DDI2: variants seen among roughly 807,000 people sequenced by gnomAD.
The protein encoded by DDI2 is DDI proteasomal shuttling factor 2.
A neutral mutation model predicts 48.1 loss-of-function variants in DDI2; 5 were observed. The ratio of observed to expected loss-of-function variants is 0.10; its 90% CI spans 0.05 to 0.22. DDI2 has a LOEUF of 0.22. Among genes scored for constraint, DDI2 ranks in the 10% least tolerant of loss-of-function variants. DDI2 has a pLI of 1.00. For synonymous variants in DDI2, 205 were observed against 183.6 expected, an observed-to-expected ratio of 1.12 and a Z score of -0.94; for missense variants, 285 against 506.2, an observed-to-expected ratio of 0.56 and a Z score of 4.19.
chr1:15,632,912 C>CTTTTTTTT (rs1222613153), intron 3 of DDI2, among the ~76,000 whole-genome samples: 1 of 99,916 alleles, frequency 1.0e-5, no homozygotes, highest in African/African-American at 4.2e-5. Flanking sequence ...TTTGCAAATA[C>CTTTTTTTT]TTTTTTTTTT....
chr1:15,644,835 C>T (rs1362253407), intron 6 of DDI2, among the ~76,000 whole-genome samples: 5 of 151,982 alleles, frequency 3.3e-5, no homozygotes, highest in East Asian at 3.9e-4. Context: ...CCTCGTGATC[C>T]GCCCGCCTCG....
rs552608777 is a variant in DDI2, at chr1:15,637,631, G to A, written c.633-676G>A. 5.9e-5 allele frequency among the ~76,000 whole-genome samples: 9 copies of A among 152,354 alleles called. No individual in the cohort carries two copies. In the South Asian group the frequency reaches 1.7e-3, roughly 28 times the overall value. On this transcript the variant is annotated intron_variant, in intron 4 of 9. Transcript: ENST00000480945. ...GATCCACCCGCCTTGGCCTCCCAAA[G>A]TGTTGGGATTACAGGCGTGAGCCAC...
At chr1:15,642,106 A>T (rs984673707) in intron 5 of DDI2, among the ~76,000 whole-genome samples, 3 of 152,214 alleles carry the variant, frequency 2.0e-5, no homozygotes, top group Non-Finnish European at 2.9e-5. Flanking sequence ...AAATAATCCC[A>T]TTGGCAAACA....
intron 1 of DDI2, 92 bp from the exon 2 acceptor site, chr1:15,626,577 T>G (rs1570967662): frequency 6.5e-7 from 1 of 1,546,548 alleles, no homozygotes; most frequent in Non-Finnish European, 8.8e-7. Context: ...GAAAGGAGGG[T>G]GACATCTGAT....
intron 6 of DDI2, 30 bp downstream of exon 6, chr1:15,643,680 T>A: frequency 6.2e-7 from 1 of 1,610,928 alleles, no homozygotes; most frequent in Non-Finnish European, 8.5e-7. Context: ...GCTTGCTGTC[T>A]TTCTGTAGGC....
intron 1 of DDI2, among the ~76,000 whole-genome samples, chr1:15,619,776 C>T (rs1326899626): frequency 6.6e-6 from 1 of 152,020 alleles, no homozygotes; most frequent in Non-Finnish European, 1.5e-5. Flanking sequence ...ATTGTTTTTT[C>T]CTCTAGCTGT....
chr1:15,634,505 AATCATGCTTT>A (rs1639896768), intron 4 of DDI2, among the ~76,000 whole-genome samples: 2 of 150,106 alleles, frequency 1.3e-5, no homozygotes, highest in African/African-American at 4.9e-5. Context: ...TTAGAAATTA[AATCATGCTTT>A]TTTAAACTTC....
chr1:15,648,558 T>TC (rs1196688185), intron 6 of DDI2, among the ~76,000 whole-genome samples: 5 of 152,164 alleles, frequency 3.3e-5, no homozygotes, highest in Non-Finnish European at 5.9e-5. Context: ...AACATTGCCT[T>TC]CTAGATATCA....
Position 15,663,400 on chromosome 1 carries a change from T to G in DDI2, c.*3610T>G, listed in dbSNP as rs1295145594. The G allele has an allele frequency of 6.6e-6, 1 of 152,212 alleles. No homozygotes were observed. The allele number at this position is 152,212 out of a possible 1,614,324, so 9.4% of individuals were successfully genotyped here. ...CTTTCCTTTTGCTATGATGTTTGTATGTATGTTATAAGACTTTAGTGATGG... is the reference window on the plus strand; with the variant it reads ...CTTTCCTTTTGCTATGATGTTTGTAGGTATGTTATAAGACTTTAGTGATGG... On this transcript the variant is annotated 3_prime_UTR_variant, in exon 10 of 10. Transcript: ENST00000480945.
At chr1:15,645,350 T>C (rs1277671059) in intron 6 of DDI2, among the ~76,000 whole-genome samples, 1 of 152,174 alleles carries the variant, frequency 6.6e-6, no homozygotes, top group Admixed American at 6.5e-5. Context: ...CTGGGGACTT[T>C]CTCTGAATTA....
chr1:15,633,298 A>C, intron 3 of DDI2, 141 bp from the exon 4 acceptor site: 1 of 897,666 alleles, frequency 1.1e-6, no homozygotes, highest in Non-Finnish European at 1.7e-6. Flanking sequence ...AAGTAAATGT[A>C]ATTGCTCATT....
Position 15,664,734 on chromosome 1 carries a change from G to C in DDI2, c.*4944G>C, listed in dbSNP as rs756086645. ...GCGGTCAGCACTTAACTACAAGGGCGGTCTCTGTTTCTTCACCAGAGAGAG... is the reference window on the plus strand; with the variant it reads ...GCGGTCAGCACTTAACTACAAGGGCCGTCTCTGTTTCTTCACCAGAGAGAG... On this transcript the variant is annotated 3_prime_UTR_variant, in exon 10 of 10. Coordinates refer to ENST00000480945, the MANE Select transcript of DDI2 (RefSeq NM_032341.5). 6.6e-6 allele frequency: 1 copy of C among 152,140 alleles called. No individual in the cohort carries two copies. The highest frequency in any genetic ancestry group is 2.4e-5 in the African/African-American group (1 of 41,424). 9.4% of individuals were successfully genotyped at this position (152,140 alleles called of 1,614,324 possible).
intron 2 of DDI2, among the ~76,000 whole-genome samples, chr1:15,628,289 A>T (rs977875210): frequency 6.6e-5 from 10 of 152,188 alleles, no homozygotes; most frequent in African/African-American, 2.4e-4. Context: ...CACAGAGATC[A>T]TCCTCTTCAC....
chr1:15,650,808 A>G (rs925510090), intron 7 of DDI2, among the ~76,000 whole-genome samples: 4 of 152,328 alleles, frequency 2.6e-5, no homozygotes, highest in Non-Finnish European at 1.5e-5. Context: ...TATTTCTGTA[A>G]AAGTAGATGC....
chr1:15,645,200 C>A (rs1003999078), intron 6 of DDI2, among the ~76,000 whole-genome samples: 1 of 152,196 alleles, frequency 6.6e-6, no homozygotes, highest in Non-Finnish European at 1.5e-5. Flanking sequence ...CCTTCTTTTT[C>A]TTCTTTGAAG....
intron 1 of DDI2, among the ~76,000 whole-genome samples, chr1:15,621,731 T>A (rs1639671032): frequency 6.6e-6 from 1 of 152,152 alleles, no homozygotes; most frequent in Non-Finnish European, 1.5e-5. Context: ...ATCATATAGA[T>A]GTGTTGTAAT....
At chr1:15,617,956 G>A (rs1036354381) in intron 1 of DDI2, 148 bp downstream of exon 1, 5 of 1,253,530 alleles carry the variant, frequency 4.0e-6, no homozygotes, top group Non-Finnish European at 5.3e-6. Flanking sequence ...CCGGAAAGGA[G>A]CTGGGGAGCT....
chr1:15,619,477 T>C (rs1419459433), intron 1 of DDI2, among the ~76,000 whole-genome samples: 1 of 148,224 alleles, frequency 6.7e-6, no homozygotes, highest in East Asian at 1.9e-4. Flanking sequence ...TTTCTTTTTT[T>C]TTTTTCGAGA....
Position 15,660,952 on chromosome 1 carries a change from C to T in DDI2, c.*1162C>T. ...GGCAGCCTTGAAAGAACTTCATGAACTTTTGGTTGTTAGCAGTAAACCAGC... is the reference window on the plus strand; with the variant it reads ...GGCAGCCTTGAAAGAACTTCATGAATTTTTGGTTGTTAGCAGTAAACCAGC... On this transcript the variant is annotated 3_prime_UTR_variant, in exon 10 of 10. Coordinates refer to ENST00000480945, the MANE Select transcript of DDI2 (RefSeq NM_032341.5). 1 of 1,613,358 alleles carries T rather than the reference C, an allele frequency of 6.2e-7. No homozygotes were observed. The highest frequency in any genetic ancestry group is 1.7e-5 in the Admixed American group (1 of 59,834).
Sources: allele counts gnomAD v4.1 joint callset (sites outside exome capture counted in the v4.1 genomes callset), GRCh38; gene constraint gnomAD v4.1.1; transcripts MANE v1.5; gene names NCBI Gene and HGNC (gene_info 2026-07-23, HGNC 2026-07-21).